The following SLAIN2 variants were observed in gnomAD, a reference collection of about 807,000 sequenced individuals.
The protein encoded by SLAIN2 is SLAIN motif-containing protein 2.
SLAIN2 carries 31 observed loss-of-function variants against 56.6 expected under a neutral mutation model. The observed-to-expected ratio is 0.55, with a 90% CI of 0.41 to 0.74. The LOEUF is 0.74. SLAIN2 is among the 30% of genes least tolerant of loss of function. The probability of loss-of-function intolerance (pLI) is 0.00; values close to 1 mark genes in which losing one functional copy is unlikely to be tolerated. For synonymous variants in SLAIN2, 317 were observed against 284.9 expected (o/e 1.11, Z -1.13); for missense variants, 777 against 754.2 (o/e 1.03, Z -0.35).
At chr4:48,389,508 C>G (rs1196940090) in intron 6 of SLAIN2, among the ~76,000 whole-genome samples, 1 of 152,136 alleles carries the variant, frequency 6.6e-6, no homozygotes, top group Non-Finnish European at 1.5e-5. Context: ...TTAAGACAGC[C>G]CACGCCTTCC....
At chr4:48,405,291 C>G (rs1459599409) in intron 6 of SLAIN2, among the ~76,000 whole-genome samples, 1 of 152,200 alleles carries the variant, frequency 6.6e-6, no homozygotes, top group East Asian at 1.9e-4. Context: ...ATCTACTCTT[C>G]TGAACTTTCA....
chr4:48,391,167 A>G (rs1236688633), intron 6 of SLAIN2, among the ~76,000 whole-genome samples: 1 of 152,170 alleles, frequency 6.6e-6, no homozygotes. Flanking sequence ...GTTTATTTCT[A>G]ATATGCTTAA....
chr4:48,356,626 C>G (rs1715163437), intron 1 of SLAIN2, among the ~76,000 whole-genome samples: 1 of 152,200 alleles, frequency 6.6e-6, no homozygotes, highest in Non-Finnish European at 1.5e-5. Context: ...CTGATTGATG[C>G]AGTCTAGGTT....
intron 6 of SLAIN2, among the ~76,000 whole-genome samples, chr4:48,413,304 A>T (rs1421759059): frequency 6.6e-6 from 1 of 151,888 alleles, no homozygotes; most frequent in Non-Finnish European, 1.5e-5. Flanking sequence ...CTGATCTGGG[A>T]ATCTGGAGAC....
intron 6 of SLAIN2, 117 bp downstream of exon 6, chr4:48,383,901 G>A (rs1354906448): frequency 1.8e-6 from 2 of 1,119,640 alleles, no homozygotes; most frequent in African/African-American, 1.6e-5. Flanking sequence ...TTAAACCATA[G>A]CTATAGTAAA....
rs150827945 is a variant in SLAIN2, at chr4:48,378,133, C to A, written c.703+73C>A. 1.2e-4 allele frequency: 177 copies of A among 1,463,890 alleles called. No homozygotes were observed. The African/African-American group carries it at 2.1e-3, about 18-fold the overall frequency. The allele number at this position is 1,463,890 out of a possible 1,614,324, so 90.7% of individuals were successfully genotyped here. On this transcript the variant is annotated intron_variant, in intron 3 of 7. Coordinates refer to ENST00000264313, the MANE Select transcript of SLAIN2 (RefSeq NM_020846.2). ...CTGCACTGTATCAGAAAATAACATT[C>A]ATCTGCAGTTCGAGTTCATTTTATT...
At chr4:48,407,194 C>T (rs6813904) in intron 6 of SLAIN2, among the ~76,000 whole-genome samples, 3,176 of 151,658 alleles carry the variant, frequency 0.021, 56 homozygotes, top group Non-Finnish European at 0.031. Flanking sequence ...TTTTTTTCTT[C>T]TAAAAGTTTG....
rs1717115191 is a variant in SLAIN2 at position 48,420,331 on chromosome 4, C to T, written c.1567C>T (p.Leu523=). The T allele has an allele frequency of 6.2e-7, 1 of 1,614,030 alleles. No individual in the cohort carries two copies. Among genetic ancestry groups the T allele is most frequent in the Non-Finnish European group, 8.5e-7 (1 of 1,179,878 alleles). Residue 523 remains leucine (L), a synonymous_variant, in exon 7 of 8, where the codon CTA becomes TTA. Transcript: ENST00000264313. ...TCCCAGCAATATCAACAGCGCTACT[C>T]TAACCAGACCTGCAGGGACAACTGC... is the stretch of plus-strand genomic sequence containing the variant. ...NPPSNINSAT[L]TRPAGTTAMR... is the part of the protein sequence containing the mutation.
Position 48,379,724 on chromosome 4 carries a change from C to A in SLAIN2, c.738C>A (p.Leu246=). 6.7e-7 allele frequency: 1 copy of A among 1,490,410 alleles called. No homozygotes were observed. The highest frequency in any genetic ancestry group is 8.9e-7 in the Non-Finnish European group (1 of 1,123,530). The allele number at this position is 1,490,410 out of a possible 1,614,324, so 92.3% of individuals were successfully genotyped here. ...AAAGCTCAGACAGAAATCCTCCACT[C>A]AGTCCTCAGTCCTCTATAGATAGTG... ...NLKSSDRNPP[L]SPQSSIDSEL... is the part of the protein sequence containing the mutation. The change falls in exon 4 of 8, where the codon CTC becomes CTA. Residue 246 remains leucine, a synonymous_variant. Transcript: ENST00000264313.
intron 6 of SLAIN2, among the ~76,000 whole-genome samples, chr4:48,400,295 G>A (rs2109776279): frequency 6.6e-6 from 1 of 151,832 alleles, no homozygotes; most frequent in Non-Finnish European, 1.5e-5. Context: ...GTACATAGAG[G>A]TGTTTATAGT....
chr4:48,396,717 C>T (rs1243098745), intron 6 of SLAIN2, among the ~76,000 whole-genome samples: 1 of 152,110 alleles, frequency 6.6e-6, no homozygotes, highest in Non-Finnish European at 1.5e-5. Context: ...ATTCATCCAT[C>T]CTGGGGATGA....
intron 6 of SLAIN2, among the ~76,000 whole-genome samples, chr4:48,415,377 A>C (rs1481734726): frequency 1.5e-5 from 1 of 66,308 alleles, no homozygotes; most frequent in Admixed American, 1.5e-4. Context: ...GTGTCTGTTC[A>C]TATCCTTCAC....
At chr4:48,378,927 A>G (rs140985207) in intron 3 of SLAIN2, among the ~76,000 whole-genome samples, 60 of 152,248 alleles carry the variant, frequency 3.9e-4, no homozygotes, top group African/African-American at 1.4e-3. Flanking sequence ...CTCTCCTTAC[A>G]TGCTTTTCAT....
chr4:48,407,748 T>C lies in SLAIN2; in HGVS notation c.1361-12377T>C, dbSNP rs546500079. ...CTTTCTTAAAGTGTACTATTTGGTGTTTTTTAGTATATTCACAGAGGGAGA... is the reference window on the plus strand; with the variant it reads ...CTTTCTTAAAGTGTACTATTTGGTGCTTTTTAGTATATTCACAGAGGGAGA... On this transcript the variant is annotated intron_variant, in intron 6 of 7. Transcript: ENST00000264313. Among the ~76,000 whole-genome samples, 64 of 152,280 alleles carry C rather than the reference T, an allele frequency of 4.2e-4. 1 individual carries two copies. The South Asian group carries it at 0.012, about 29-fold the overall frequency.
At chr4:48,414,120 T>C (rs1185925658) in intron 6 of SLAIN2, among the ~76,000 whole-genome samples, 1 of 152,214 alleles carries the variant, frequency 6.6e-6, no homozygotes. Flanking sequence ...TTTTTATAAA[T>C]AGAGTTCTAA....
At chr4:48,349,247 A>G (rs1714946837) in intron 1 of SLAIN2, among the ~76,000 whole-genome samples, 1 of 152,208 alleles carries the variant, frequency 6.6e-6, no homozygotes, top group Non-Finnish European at 1.5e-5. Flanking sequence ...AAGCAGAAGG[A>G]TAGTAGCATA....
In SLAIN2 at chr4:48,362,424, T is replaced by TC. The variant is rs1215244290; in HGVS notation, c.390-7425_390-7424insC. 1.1e-4 allele frequency among the ~76,000 whole-genome samples: 14 copies of TC among 122,248 alleles called. 1 individual carries two copies. The highest frequency in any genetic ancestry group is 2.1e-4 in the African/African-American group (6 of 28,356). 80.2% of individuals were successfully genotyped at this position (122,248 alleles called of 152,430 possible). A position where few individuals can be genotyped will look rare whatever the true frequency, so the allele number is the denominator to read the frequency against. On this transcript the variant is annotated intron_variant, in intron 1 of 7. Transcript: ENST00000264313. ...GTCTCTGTCTCCCTTTCTCTCTCTC[T>TC]TTTTTTTTTTTTTGGACAGAGTCTT...
chr4:48,417,977 T>C (rs1276224646), intron 6 of SLAIN2, among the ~76,000 whole-genome samples: 1 of 152,130 alleles, frequency 6.6e-6, no homozygotes, highest in Non-Finnish European at 1.5e-5. Flanking sequence ...TGAATTCACT[T>C]ATTATTTCTA....
rs143209728 is a variant in SLAIN2 at position 48,377,207 on chromosome 4, G to A, written c.539-689G>A. ...AAATATATATATATTTTTTCGAGAC[G>A]AGTCTCACTCTGTCGCCCAGGCTGG... On this transcript the variant is annotated intron_variant, in intron 2 of 7. Transcript: ENST00000264313. 5.9e-3 allele frequency among the ~76,000 whole-genome samples: 894 copies of A among 151,562 alleles called. 5 individuals carry two copies. Among genetic ancestry groups the A allele is most frequent in the Non-Finnish European group, 9.1e-3 (619 of 67,868 alleles).
Sources: allele counts gnomAD v4.1 joint callset (sites outside exome capture counted in the v4.1 genomes callset), GRCh38; gene constraint gnomAD v4.1.1; transcripts MANE v1.5; gene names NCBI Gene and HGNC (gene_info 2026-07-23, HGNC 2026-07-21).